Variants in HCN2 observed in about 807,000 individuals in gnomAD.
The protein encoded by HCN2 is hyperpolarization activated cyclic nucleotide gated potassium and sodium channel 2, also known as potassium/sodium hyperpolarization-activated cyclic nucleotide-gated channel 2.
A neutral mutation model predicts 52.3 loss-of-function variants in HCN2; 20 were observed. The ratio of observed to expected loss-of-function variants is 0.38; its 90% CI spans 0.27 to 0.56. HCN2 has a LOEUF of 0.56. HCN2 is among the 20% of genes least tolerant of loss of function. The pLI is 0.71. For synonymous variants in HCN2, 694 were observed against 537.0 expected, an observed-to-expected ratio of 1.29 and a Z score of -4.04; for missense variants, 981 against 1,207.7, an observed-to-expected ratio of 0.81 and a Z score of 2.78.
intron 6 of HCN2, 134 bp from the exon 7 acceptor site, chr19:613,718 G>GCACC (rs1434460028): frequency 0.017 from 15,806 of 949,248 alleles, 3,183 homozygotes; most frequent in Admixed American, 0.046. Flanking sequence ...GATGGGGCCG[G>GCACC]GGCCGGCACC....
At chr19:599,195 C>T (rs576315847) in intron 1 of HCN2, among the ~76,000 whole-genome samples, 4 of 152,224 alleles carry the variant, frequency 2.6e-5, no homozygotes, top group Non-Finnish European at 4.4e-5. Context: ...ATTTTTTTCT[C>T]TTCCTTTTGG....
At position 610,310 on chromosome 19, in the gene HCN2, C is replaced by G. The variant is rs751544045; in HGVS notation, c.1489C>G (p.Arg497Gly). The change falls in exon 5 of 8, where the codon CGC becomes GGC. Residue 497 changes from arginine to glycine, a missense_variant. By Grantham distance (125) the Arg-to-Gly change is moderately radical. Coordinates refer to ENST00000251287, the MANE Select transcript of HCN2 (RefSeq NM_001194.4). Reference protein sequence around the residue: ...MSFHKLPADFRQKIHDYYEHR... With the variant: ...MSFHKLPADFGQKIHDYYEHR... ...CTTCCACAAGCTGCCAGCTGACTTCCGCCAGAAGATCCACGACTACTATGA... is the reference window on the plus strand; with the variant it reads ...CTTCCACAAGCTGCCAGCTGACTTCGGCCAGAAGATCCACGACTACTATGA... 9.9e-6 allele frequency: 16 copies of G among 1,613,690 alleles called. No homozygotes were observed. The highest frequency in any genetic ancestry group is 1.4e-5 in the Non-Finnish European group (16 of 1,179,824).
At position 613,840 on chromosome 19, in the gene HCN2, C is replaced by T. The variant is rs765305816; in HGVS notation, c.1826-12C>T. ...CCTCGTCCAGCAACCCCCCCCTGCG[C>T]GCCACGTGCAGAGATCTGCCTGCTC... On this transcript the variant is annotated splice_polypyrimidine_tract_variant and intron_variant, in intron 6 of 7. Coordinates refer to ENST00000251287, the MANE Select transcript of HCN2 (RefSeq NM_001194.4). 12 of 1,538,826 alleles carry T rather than the reference C, an allele frequency of 7.8e-6. No homozygotes were observed. In the East Asian group the frequency reaches 1.5e-4, roughly 19 times the overall value.
At chr19:615,680 G>A (rs1983869992) in intron 7 of HCN2, 115 bp from the exon 8 acceptor site, 2 of 956,494 alleles carry the variant, frequency 2.1e-6, no homozygotes, top group Non-Finnish European at 3.3e-6. Context: ...GTAAATGCAT[G>A]CTTGCTCTAC....
chr19:604,477 G>A (rs1481826337), intron 2 of HCN2, among the ~76,000 whole-genome samples: 1 of 148,316 alleles, frequency 6.7e-6, no homozygotes, highest in Non-Finnish European at 1.5e-5. Flanking sequence ...TCAAGCAGCA[G>A]GGGTGGGGCC....
intron 1 of HCN2, among the ~76,000 whole-genome samples, chr19:597,333 A>T (rs1464101453): frequency 6.6e-6 from 1 of 152,214 alleles, no homozygotes; most frequent in African/African-American, 2.4e-5. Context: ...CTTCCATCAG[A>T]GGGGAGGTGT....
At chr19:613,219 GC>G (rs1450259422) in intron 5 of HCN2, 28 bp from the exon 6 acceptor site, 1 of 1,590,902 alleles carries the variant, frequency 6.3e-7, no homozygotes, top group Non-Finnish European at 8.5e-7. Context: ...GGGGTCCGCA[GC>G]GGACCCAGCC....
chr19:595,859 C>T (rs138984236), intron 1 of HCN2, among the ~76,000 whole-genome samples: 6 of 152,276 alleles, frequency 3.9e-5, no homozygotes, highest in Non-Finnish European at 8.8e-5. Flanking sequence ...CACCGACCTC[C>T]GGCCCCTAAT....
chr19:595,480 C>T (rs1225727316), intron 1 of HCN2, among the ~76,000 whole-genome samples: 1 of 152,200 alleles, frequency 6.6e-6, no homozygotes, highest in Admixed American at 6.5e-5. Context: ...CCGAGGCCGC[C>T]CACCGGCCTT....
Position 590,615 on chromosome 19 carries a change from CCGGGGAGCCGGGCGCG to C in HCN2, c.632+49_632+64del, listed in dbSNP as rs777329079. Reference sequence around the variant, plus strand: ...GGAGGGCCGGTCGGCGCGAGGGGGCCCGGGGAGCCGGGCGCGCGGGGAGCCGTCCTTGGAGCGCCTG... The same window carrying C: ...GGAGGGCCGGTCGGCGCGAGGGGGCCCGGGGAGCCGTCCTTGGAGCGCCTG... On this transcript the variant is annotated intron_variant, in intron 1 of 7. Transcript: ENST00000251287. This position sits in a 1 kb window ranked among gnomAD's most constrained non-coding sequence, Gnocchi z 7.2. 6.8e-5 allele frequency: 89 copies of C among 1,306,600 alleles called. 2 individuals carry two copies. In the South Asian group the frequency reaches 9.3e-4, roughly 14 times the overall value. The allele number at this position is 1,306,600 out of a possible 1,614,324, so 80.9% of individuals were successfully genotyped here. A position where few individuals can be genotyped will look rare whatever the true frequency, so the allele number is the denominator to read the frequency against.
In HCN2 at chr19:602,532, G is replaced by A. The variant is rs570617468; in HGVS notation, c.633-1012G>A. Among the ~76,000 whole-genome samples the A allele has an allele frequency of 6.2e-4, 94 of 152,238 alleles. 4 individuals are homozygous for A. The South Asian group carries it at 0.019, about 31-fold the overall frequency. On this transcript the variant is annotated intron_variant, in intron 1 of 7. Coordinates refer to ENST00000251287, the MANE Select transcript of HCN2 (RefSeq NM_001194.4). Reference sequence around the variant, plus strand: ...CTCCCGCTTCTCAGTAAGGCATCTGGGGCCCTCACCTCCCGGCGTGAGCTG... The same window carrying A: ...CTCCCGCTTCTCAGTAAGGCATCTGAGGCCCTCACCTCCCGGCGTGAGCTG...
At position 592,813 on chromosome 19, in the gene HCN2, G is replaced by A. The variant is rs924974463; in HGVS notation, c.632+2236G>A. ...GGACCCTGCTGTGGAGGGTGTTTTG[G>A]GGCAGCCCACAGCAAGCGAAGGGGC... is the stretch of plus-strand genomic sequence containing the variant. On this transcript the variant is annotated intron_variant, in intron 1 of 7. Transcript: ENST00000251287. The surrounding 1 kb of genome is among the most constrained non-coding windows in gnomAD (Gnocchi z 4.8). Among the ~76,000 whole-genome samples, 17 of 152,056 alleles carry A rather than the reference G, an allele frequency of 1.1e-4. No individual in the cohort carries two copies. Among genetic ancestry groups the A allele is most frequent in the African/African-American group, 4.1e-4 (17 of 41,396 alleles).
chr19:591,690 G>A lies in HCN2; in HGVS notation c.632+1113G>A, dbSNP rs1982878204. 3.3e-5 allele frequency among the ~76,000 whole-genome samples: 5 copies of A among 152,116 alleles called. No individual in the cohort carries two copies. The South Asian group carries it at 1.0e-3, about 31-fold the overall frequency. ...GCGGTTTCAGCACCACGGACAGCGC[G>A]CCGGACCTGGGAAGCCTGCGGTTTT... is the stretch of plus-strand genomic sequence containing the variant. On this transcript the variant is annotated intron_variant, in intron 1 of 7. Transcript: ENST00000251287. This position sits in a 1 kb window ranked among gnomAD's most constrained non-coding sequence, Gnocchi z 4.1.
At position 615,881 on chromosome 19, in the gene HCN2, G is replaced by T. The variant is rs750437676; in HGVS notation, c.2077G>T (p.Glu693Ter). The T allele has an allele frequency of 6.2e-7, 1 of 1,612,870 alleles. No individual in the cohort carries two copies. Among genetic ancestry groups the T allele is most frequent in the African/African-American group, 1.3e-5 (1 of 74,924 alleles). ...FNNQENAIIQEIVKYDREMVQ... is the reference protein window; with the variant it reads ...FNNQENAIIQ ...CAACCAGGAGAACGCCATCATCCAG[G>T]AGATCGTCAAGTACGACCGCGAGAT... Residue 693 changes from glutamate to a stop codon, truncating the protein, a stop_gained, in exon 8 of 8, where the codon GAG becomes TAG. Coordinates refer to ENST00000251287, the MANE Select transcript of HCN2 (RefSeq NM_001194.4). LOFTEE classifies it low-confidence loss of function (END_TRUNC).
intron 6 of HCN2, 23 bp downstream of exon 6, chr19:613,511 TGGAGGG>T: frequency 7.2e-6 from 2 of 278,816 alleles, no homozygotes; most frequent in Non-Finnish European, 6.6e-6. Context: ...GGGGCGCGCC[TGGAGGG>T]GGAGGGGGCA....
In HCN2 at chr19:608,018, A is replaced by G. The variant is rs1983481467; in HGVS notation, c.1273A>G (p.Met425Val). 1.2e-6 allele frequency: 2 copies of G among 1,612,970 alleles called. No homozygotes were observed. Among genetic ancestry groups the G allele is most frequent in the Non-Finnish European group, 1.7e-6 (2 of 1,180,024 alleles). ...SFALFKAMSH[M>V]LCIGYGRQAP... ...CGCACTCTTCAAGGCCATGAGCCAC[A>G]TGCTGTGCATCGGGTACGGCCGGCA... The change falls in exon 4 of 8, where the codon ATG (methionine) becomes GTG (valine). Residue 425 changes from methionine to valine, a missense_variant. By Grantham distance (21) the Met-to-Val change is conservative. Around this residue, in one of 6 missense-constraint regions of HCN2, gnomAD observed 282 missense variants for 553.8 expected, o/e 0.51. Coordinates refer to ENST00000251287, the MANE Select transcript of HCN2 (RefSeq NM_001194.4).
At chr19:612,640 C>T (rs1356826860) in intron 5 of HCN2, among the ~76,000 whole-genome samples, 10 of 152,136 alleles carry the variant, frequency 6.6e-5, no homozygotes, top group Admixed American at 5.9e-4. Flanking sequence ...GTCTCGAACT[C>T]CTGACATCAG....
intron 4 of HCN2, among the ~76,000 whole-genome samples, chr19:609,875 G>A (rs1325474334): frequency 6.6e-6 from 1 of 152,180 alleles, no homozygotes; most frequent in Non-Finnish European, 1.5e-5. Flanking sequence ...ACTCCAGCGT[G>A]GGCCACAGAG....
At chr19:608,327 G>A (rs1381117068) in intron 4 of HCN2, 145 bp downstream of exon 4, 1 of 737,610 alleles carries the variant, frequency 1.4e-6, no homozygotes, top group Non-Finnish European at 2.2e-6. Flanking sequence ...GGGAGGCCTT[G>A]CCCTGGGGTC....
Sources: allele counts gnomAD v4.1 joint callset (sites outside exome capture counted in the v4.1 genomes callset), GRCh38; gene constraint gnomAD v4.1.1; regional missense constraint gnomAD v4.1.1; non-coding constraint Gnocchi (gnomAD v3.1); transcripts MANE v1.5; gene names NCBI Gene and HGNC (gene_info 2026-07-23, HGNC 2026-07-21).